ANKHD1: variants seen among roughly 807,000 people sequenced by gnomAD.
The protein encoded by ANKHD1 is ankyrin repeat and KH domain containing 1, also known as ankyrin repeat and KH domain-containing protein 1.
In ANKHD1, 31 loss-of-function variants were observed where a neutral mutation model predicts 230.5. The ratio of observed to expected loss-of-function variants is 0.13; its 90% CI spans 0.10 to 0.18. ANKHD1 has a LOEUF of 0.18. Among genes scored for constraint, ANKHD1 ranks in the 10% least tolerant of loss-of-function variants. The pLI is 1.00. For synonymous variants in ANKHD1, 1,074 were observed against 1,117.6 expected (o/e 0.96, Z 0.78); for missense variants, 2,256 against 3,071.3 (o/e 0.73, Z 6.27).
intron 1 of ANKHD1, among the ~76,000 whole-genome samples, chr5:140,427,152 C>T (rs1469983252): frequency 1.3e-5 from 2 of 150,414 alleles, no homozygotes; most frequent in South Asian, 2.1e-4. Flanking sequence ...GGGGCTGACC[C>T]CCCCCACCTC....
chr5:140,475,572 TAAAA>T (rs35783464), intron 10 of ANKHD1, among the ~76,000 whole-genome samples: 2 of 150,470 alleles, frequency 1.3e-5, no homozygotes, highest in African/African-American at 2.4e-5. Flanking sequence ...CCAAAAAAAC[TAAAA>T]AAAAGGGGGG....
At chr5:140,426,189 G>C (rs1363452290) in intron 1 of ANKHD1, among the ~76,000 whole-genome samples, 1 of 152,184 alleles carries the variant, frequency 6.6e-6, no homozygotes, top group Admixed American at 6.5e-5. Flanking sequence ...GAGTACGGTG[G>C]CATGATCTTG....
At chr5:140,442,236 G>A (rs1254930610) in intron 5 of ANKHD1, among the ~76,000 whole-genome samples, 14 of 151,558 alleles carry the variant, frequency 9.2e-5, no homozygotes, top group African/African-American at 3.4e-4. Context: ...AGAGACGGGG[G>A]TTTCACCATG....
intron 1 of ANKHD1, among the ~76,000 whole-genome samples, chr5:140,413,042 T>G (rs1237433676): frequency 6.6e-6 from 1 of 152,210 alleles, no homozygotes; most frequent in African/African-American, 2.4e-5. Context: ...ATGCTAGTGA[T>G]TGATTCATCT....
intron 5 of ANKHD1, among the ~76,000 whole-genome samples, chr5:140,445,022 GT>G (rs200034609): frequency 6.6e-6 from 1 of 151,102 alleles, no homozygotes; most frequent in African/African-American, 2.4e-5. Flanking sequence ...TCCTGGCTCA[GT>G]TTTTTTTTAG....
At chr5:140,409,207 G>C (rs1009393876) in intron 1 of ANKHD1, among the ~76,000 whole-genome samples, 1 of 152,114 alleles carries the variant, frequency 6.6e-6, no homozygotes, top group African/African-American at 2.4e-5. Context: ...AGCATTTCAG[G>C]ACTTATGCTT....
intron 7 of ANKHD1, among the ~76,000 whole-genome samples, chr5:140,456,793 T>C (rs1412933251): frequency 6.6e-6 from 1 of 151,926 alleles, no homozygotes; most frequent in Non-Finnish European, 1.5e-5. Context: ...GGACATAGGC[T>C]TGGGCAAGGA....
intron 24 of ANKHD1, among the ~76,000 whole-genome samples, chr5:140,520,921 A>C (rs1035926389): frequency 4.8e-5 from 7 of 144,734 alleles, no homozygotes; most frequent in Non-Finnish European, 9.1e-5. Context: ...CTAAAACTTA[A>C]AGTATAATAA....
chr5:140,528,887 A>G lies in ANKHD1; in HGVS notation c.5941A>G (p.Ser1981Gly). The change falls in exon 29 of 34, where the codon AGC (serine) becomes GGC (glycine). Residue 1981 changes from serine (S) to glycine (G), a missense_variant. By Grantham distance (56) the Ser-to-Gly change is moderately conservative (BLOSUM62 0). Around this residue, in one of 13 missense-constraint regions of ANKHD1, gnomAD observed 778 missense variants for 966.5 expected, o/e 0.80. Transcript: ENST00000360839. The part of the protein sequence containing the change: ...PPATVISSVT[S>G]TCSSLPSVSS... ...AGCAACAGTGATTTCTTCTGTGACA[A>G]GCACTTGTAGTTCCCTGCCTTCTGT... 4 of 1,614,162 alleles carry G rather than the reference A, an allele frequency of 2.5e-6. No individual in the cohort carries two copies. The highest frequency in any genetic ancestry group is 3.4e-6 in the Non-Finnish European group (4 of 1,180,038).
chr5:140,409,935 C>T (rs1435118303), intron 1 of ANKHD1, among the ~76,000 whole-genome samples: 1 of 152,038 alleles, frequency 6.6e-6, no homozygotes, highest in Non-Finnish European at 1.5e-5. Context: ...TAAAATGATG[C>T]ATTGATAAGT....
intron 10 of ANKHD1, among the ~76,000 whole-genome samples, chr5:140,471,540 C>G (rs912466528): frequency 4.6e-5 from 7 of 152,166 alleles, no homozygotes; most frequent in African/African-American, 1.4e-4. Context: ...GGAGCATGCA[C>G]TTTCTTAGGA....
chr5:140,505,340 A>T lies in ANKHD1; in HGVS notation c.3262+107A>T, dbSNP rs1475827134. On this transcript the variant is annotated intron_variant, in intron 17 of 33. Transcript: ENST00000360839. ...AGACTATCTCAGTGATAAGATGGAT[A>T]AGTATATTTCAGTTAGGAATATCTG... 3.1e-6 allele frequency: 4 copies of T among 1,269,916 alleles called. No homozygotes were observed. The East Asian group carries it at 1.0e-4, about 32-fold the overall frequency. 78.7% of individuals were successfully genotyped at this position (1,269,916 alleles called of 1,614,324 possible). A position where few individuals can be genotyped will look rare whatever the true frequency, so the allele number is the denominator to read the frequency against.
intron 1 of ANKHD1, among the ~76,000 whole-genome samples, chr5:140,412,310 G>A (rs938776842): frequency 1.4e-4 from 21 of 151,936 alleles, no homozygotes; most frequent in Admixed American, 1.2e-3. Context: ...GATTACAGGC[G>A]TGAGCCACCG....
At chr5:140,412,746 A>T (rs1771042595) in intron 1 of ANKHD1, among the ~76,000 whole-genome samples, 1 of 152,198 alleles carries the variant, frequency 6.6e-6, no homozygotes, top group African/African-American at 2.4e-5. Flanking sequence ...TTTTCTATTG[A>T]TAGTTACAGA....
chr5:140,448,698 A>G (rs775212804), intron 6 of ANKHD1, among the ~76,000 whole-genome samples: 13 of 152,174 alleles, frequency 8.5e-5, no homozygotes, highest in African/African-American at 1.2e-4. Flanking sequence ...TTATCATTTC[A>G]TATCTGTCAC....
intron 1 of ANKHD1, among the ~76,000 whole-genome samples, chr5:140,403,892 G>A (rs1330267010): frequency 6.6e-6 from 1 of 152,110 alleles, no homozygotes; most frequent in Non-Finnish European, 1.5e-5. Context: ...AATTATTTGT[G>A]GGTTACAGAC....
chr5:140,537,346 C>T, intron 30 of ANKHD1, 43 bp from the exon 31 acceptor site: 1 of 1,607,622 alleles, frequency 6.2e-7, no homozygotes, highest in Non-Finnish European at 8.5e-7. Context: ...AGGTGACTCT[C>T]CTATTCCATC....
chr5:140,519,445 A>G (rs1753213332), intron 24 of ANKHD1, among the ~76,000 whole-genome samples: 1 of 152,192 alleles, frequency 6.6e-6, no homozygotes, highest in Non-Finnish European at 1.5e-5. Flanking sequence ...TTCATATGGC[A>G]CCAAAAAAGA....
At chr5:140,518,943 A>G (rs1753182895) in intron 24 of ANKHD1, among the ~76,000 whole-genome samples, 1 of 152,184 alleles carries the variant, frequency 6.6e-6, no homozygotes. Context: ...CAGGGCAAAT[A>G]GGCAGGAGAA....
Sources: gnomAD v4.1 joint callset for allele counts (sites outside exome capture counted in the v4.1 genomes callset) on GRCh38, gnomAD v4.1.1 for gene constraint, gnomAD v4.1.1 regional missense constraint, MANE v1.5 for transcripts, NCBI Gene and HGNC (gene_info 2026-07-23, HGNC 2026-07-21) for gene names.